The following SNTA1 variants were observed in gnomAD, a reference collection of about 807,000 sequenced individuals.
SNTA1 encodes alpha-1-syntrophin.
A neutral mutation model predicts 47.1 loss-of-function variants in SNTA1; 31 were observed. That is an observed-to-expected ratio of 0.66 (90% CI 0.49 to 0.89). SNTA1 has a LOEUF of 0.89. SNTA1 is among the 40% of genes least tolerant of loss of function. The pLI, the probability that SNTA1 is intolerant of heterozygous loss-of-function variation, is 0.00. For synonymous variants in SNTA1, 300 were observed against 313.6 expected (o/e 0.96, Z 0.46); for missense variants, 575 against 693.0 (o/e 0.83, Z 1.91).
At chr20:33,427,062 CAAAA>C (rs914615779) in intron 2 of SNTA1, among the ~76,000 whole-genome samples, 2 of 61,060 alleles carry the variant, frequency 3.3e-5, no homozygotes, top group Non-Finnish European at 3.6e-5. Flanking sequence ...AACCCTGTCT[CAAAA>C]AAAAAAAAAA....
intron 2 of SNTA1, among the ~76,000 whole-genome samples, chr20:33,418,915 A>G (rs1989951199): frequency 6.6e-6 from 1 of 151,382 alleles, no homozygotes; most frequent in East Asian, 1.9e-4. Context: ...GGAGTTCAAG[A>G]CCACCCTGGC....
intron 2 of SNTA1, among the ~76,000 whole-genome samples, chr20:33,424,933 G>A (rs541332970): frequency 7.2e-5 from 11 of 151,854 alleles, no homozygotes; most frequent in African/African-American, 2.2e-4. Context: ...TGACTAACAC[G>A]GTGAAACCCC....
intron 2 of SNTA1, among the ~76,000 whole-genome samples, chr20:33,431,611 T>C (rs291683): frequency 0.54 from 82,106 of 151,312 alleles, 22,819 homozygotes; most frequent in South Asian, 0.68. Flanking sequence ...TAGCCAGGCA[T>C]GGTGGCACGC....
intron 1 of SNTA1, among the ~76,000 whole-genome samples, chr20:33,441,887 A>G (rs545519595): frequency 2.6e-5 from 4 of 152,204 alleles, no homozygotes; most frequent in African/African-American, 9.6e-5. Context: ...GCCCTATCCC[A>G]TGCTGGAGAT....
chr20:33,443,277 C>A, intron 1 of SNTA1, 34 bp downstream of exon 1: 1 of 1,484,044 alleles, frequency 6.7e-7, no homozygotes, highest in African/African-American at 1.4e-5. Flanking sequence ...CCCCCAGACA[C>A]CACGACCCCG....
At chr20:33,439,576 G>C (rs1240830909) in intron 1 of SNTA1, among the ~76,000 whole-genome samples, 1 of 152,176 alleles carries the variant, frequency 6.6e-6, no homozygotes, top group East Asian at 1.9e-4. Context: ...AGTGCTTTGG[G>C]TGTTCACCAG....
chr20:33,425,161 C>G (rs1600851511), intron 2 of SNTA1, among the ~76,000 whole-genome samples: 1 of 152,004 alleles, frequency 6.6e-6, no homozygotes, highest in African/African-American at 2.4e-5. Context: ...CCTGTAGCCC[C>G]AGCTACTCAG....
intron 2 of SNTA1, among the ~76,000 whole-genome samples, chr20:33,437,862 T>G (rs1469071220): frequency 6.6e-6 from 1 of 152,254 alleles, no homozygotes; most frequent in African/African-American, 2.4e-5. Flanking sequence ...GTGTAACAAC[T>G]GATGGGGAAA....
intron 2 of SNTA1, among the ~76,000 whole-genome samples, chr20:33,418,889 G>A (rs565331050): frequency 4.6e-5 from 7 of 150,882 alleles, no homozygotes; most frequent in Non-Finnish European, 8.8e-5. Context: ...AAGGCAGTGT[G>A]GATCACTTGA....
At position 33,443,542 on chromosome 20, in the gene SNTA1, G is replaced by T; in HGVS notation, c.79C>A (p.Arg27=). Reference sequence around the variant, plus strand: ...AGACTCAGCAGCACCCGCTGCCATCGCTCGCCGCCGGCCCCCGAGCCCGCC... The same window carrying T: ...AGACTCAGCAGCACCCGCTGCCATCTCTCGCCGCCGGCCCCCGAGCCCGCC... ...AGAGSGAGGE[R]WQRVLLSLAE... The change falls in exon 1 of 8, where the codon CGA becomes AGA. Residue 27 remains arginine, a synonymous_variant. Coordinates refer to ENST00000217381, the MANE Select transcript of SNTA1 (RefSeq NM_003098.3). 7.4e-7 allele frequency: 1 copy of T among 1,342,366 alleles called. No individual in the cohort carries two copies. The highest frequency in any genetic ancestry group is 9.6e-7 in the Non-Finnish European group (1 of 1,039,366). 83.2% of individuals were successfully genotyped at this position (1,342,366 alleles called of 1,614,324 possible). A position where few individuals can be genotyped will look rare whatever the true frequency, so the allele number is the denominator to read the frequency against.
rs1350110763 is a variant in SNTA1, at chr20:33,443,172, C to T, written c.310+139G>A. The stretch of plus-strand genomic sequence containing the variant: ...CCAACCTTGGTGTGCCCAGTGCCCT[C>T]CGTTACCTGTTTCCTCAGACCCCCC... On this transcript the variant is annotated intron_variant, in intron 1 of 7. Coordinates refer to ENST00000217381, the MANE Select transcript of SNTA1 (RefSeq NM_003098.3). 3 of 559,980 alleles carry T rather than the reference C, an allele frequency of 5.4e-6. No homozygotes were observed. The East Asian group carries it at 1.1e-4, about 21-fold the overall frequency. The allele number at this position is 559,980 out of a possible 1,614,324, so 34.7% of individuals were successfully genotyped here. A position where few individuals can be genotyped will look rare whatever the true frequency, so the allele number is the denominator to read the frequency against.
chr20:33,423,653 T>C (rs914142410), intron 2 of SNTA1, among the ~76,000 whole-genome samples: 5 of 152,158 alleles, frequency 3.3e-5, no homozygotes, highest in Admixed American at 1.3e-4. Context: ...TAGATTCCAC[T>C]GGAAACACAT....
At chr20:33,430,577 T>C (rs1990281369) in intron 2 of SNTA1, among the ~76,000 whole-genome samples, 1 of 151,478 alleles carries the variant, frequency 6.6e-6, no homozygotes, top group African/African-American at 2.4e-5. Flanking sequence ...CACCCAGCCA[T>C]AGTATCTTTA....
At chr20:33,441,289 C>T (rs1208270072) in intron 1 of SNTA1, among the ~76,000 whole-genome samples, 1 of 152,140 alleles carries the variant, frequency 6.6e-6, no homozygotes, top group Non-Finnish European at 1.5e-5. Flanking sequence ...TGCACCTAGG[C>T]CTCCAGGCTC....
intron 2 of SNTA1, 99 bp downstream of exon 2, chr20:33,438,742 C>T (rs1990503392): frequency 6.8e-6 from 7 of 1,023,568 alleles, no homozygotes; most frequent in Non-Finnish European, 1.5e-6. Flanking sequence ...CCTCCCAGCC[C>T]CCAGTGCTGG....
chr20:33,408,770 C>G lies in SNTA1; in HGVS notation c.1356G>C (p.Lys452Asn), dbSNP rs538593147. ...RAVLLRQPFE[K>N]LQMSSDDGAS... ...CACCGTCATCTGAAGACATCTGCAG[C>G]TTCTCGAAGGGCTGTCGCAGGAGCA... The change falls in exon 7 of 8, where the codon AAG (lysine) becomes AAC (asparagine). Residue 452 changes from lysine (K) to asparagine (N), a missense_variant. Transcript: ENST00000217381. The G allele has an allele frequency of 6.2e-7, 1 of 1,614,198 alleles. No individual in the cohort carries two copies. The highest frequency in any genetic ancestry group is 8.5e-7 in the Non-Finnish European group (1 of 1,180,038).
At chr20:33,429,158 G>T (rs537517217) in intron 2 of SNTA1, among the ~76,000 whole-genome samples, 21 of 151,686 alleles carry the variant, frequency 1.4e-4, no homozygotes, top group Non-Finnish European at 2.9e-4. Flanking sequence ...GGCCAACATG[G>T]TGAAACCCCA....
At chr20:33,438,233 G>A (rs887921907) in intron 2 of SNTA1, among the ~76,000 whole-genome samples, 2 of 152,172 alleles carry the variant, frequency 1.3e-5, no homozygotes, top group East Asian at 3.8e-4. Flanking sequence ...CCAGGAGGCA[G>A]AGGTTGCGAT....
chr20:33,443,644 G>T lies in SNTA1; in HGVS notation c.-24C>A. 1.7e-6 allele frequency: 2 copies of T among 1,190,564 alleles called. No individual in the cohort carries two copies. The highest frequency in any genetic ancestry group is 2.1e-6 in the Non-Finnish European group (2 of 959,922). The allele number at this position is 1,190,564 out of a possible 1,614,324, so 73.8% of individuals were successfully genotyped here. A position where few individuals can be genotyped will look rare whatever the true frequency, so the allele number is the denominator to read the frequency against. ...ATCTTCGCCTCCGAGCCCCCGGGCCGCCGCGCTCGCCCTGTCCCGCTTTGC... is the reference window on the plus strand; with the variant it reads ...ATCTTCGCCTCCGAGCCCCCGGGCCTCCGCGCTCGCCCTGTCCCGCTTTGC... On this transcript the variant is annotated 5_prime_UTR_variant, in exon 1 of 8. Transcript: ENST00000217381.
Sources: gnomAD v4.1 joint callset for allele counts (sites outside exome capture counted in the v4.1 genomes callset) on GRCh38, gnomAD v4.1.1 for gene constraint, MANE v1.5 for transcripts, NCBI Gene and HGNC (gene_info 2026-07-23, HGNC 2026-07-21) for gene names.